The following RTL4 variants were observed in gnomAD, a reference collection of about 807,000 sequenced individuals.
RTL4 encodes retrotransposon Gag-like protein 4.
In RTL4, 4 loss-of-function variants were observed where a neutral mutation model predicts 5.3. The observed-to-expected ratio is 0.75, with a 90% CI of 0.37 to 1.72. The LOEUF is 1.72. Ranked by LOEUF, RTL4 falls within the 40% of genes most tolerant of loss-of-function variation. RTL4 has a pLI of 0.04. For synonymous variants in RTL4, 98 were observed against 87.3 expected (o/e 1.12, Z -0.68); for missense variants, 260 against 227.1 (o/e 1.14, Z -0.93).
At chrX:112,225,472 A>G in the RTL4 span, among the ~76,000 whole-genome samples, 1 of 112,013 alleles carries the variant, frequency 8.9e-6, no homozygotes, top group Non-Finnish European at 1.9e-5. Flanking sequence ...TGGTTAAAAA[A>G]AGAAAACCTG....
the RTL4 span, among the ~76,000 whole-genome samples, chrX:112,130,398 G>A: frequency 2.7e-5 from 3 of 109,806 alleles, no homozygotes; most frequent in East Asian, 5.7e-4. Flanking sequence ...AGCTTGCGAG[G>A]TGGGTAAAAA....
the RTL4 span, among the ~76,000 whole-genome samples, chrX:112,423,296 G>A: frequency 9.0e-6 from 1 of 110,685 alleles, no homozygotes; most frequent in African/African-American, 3.3e-5. Context: ...ATCTCCCCAA[G>A]TACTTAGCTG....
chrX:112,303,319 T>A, the RTL4 span, among the ~76,000 whole-genome samples: 1 of 110,723 alleles, frequency 9.0e-6, no homozygotes, highest in Non-Finnish European at 1.9e-5. Flanking sequence ...AATTATATTA[T>A]CCATAAGTCC....
At chrX:112,322,814 A>G in the RTL4 span, among the ~76,000 whole-genome samples, 3 of 111,633 alleles carry the variant, frequency 2.7e-5, no homozygotes, top group African/African-American at 9.8e-5. Flanking sequence ...TGTATCTTGC[A>G]TTTCTAAATT....
chrX:112,362,903 C>T, the RTL4 span, among the ~76,000 whole-genome samples: 3 of 110,675 alleles, frequency 2.7e-5, no homozygotes, highest in East Asian at 8.7e-4. Context: ...CATATCAGAC[C>T]CTGCCCCTAA....
the RTL4 span, among the ~76,000 whole-genome samples, chrX:112,432,927 T>G: frequency 8.9e-6 from 1 of 111,997 alleles, no homozygotes; most frequent in Non-Finnish European, 1.9e-5. Context: ...AAGGAAGGAA[T>G]CCAGTTTCAG....
At chrX:112,201,857 T>C in the RTL4 span, among the ~76,000 whole-genome samples, 1 of 111,895 alleles carries the variant, frequency 8.9e-6, no homozygotes, top group East Asian at 2.8e-4. Context: ...GTTTCCCCAA[T>C]AATGACATCT....
chrX:112,370,021 C>T, the RTL4 span, among the ~76,000 whole-genome samples: 1 of 111,713 alleles, frequency 9.0e-6, no homozygotes, highest in African/African-American at 3.2e-5. Context: ...TAGTTTTGAA[C>T]TTGGTTTTAA....
the RTL4 span, among the ~76,000 whole-genome samples, chrX:112,439,744 T>C: frequency 1.8e-5 from 2 of 110,901 alleles, no homozygotes; most frequent in African/African-American, 6.6e-5. Context: ...TCCTGTGAGA[T>C]CTAATTGTTA....
the RTL4 span, among the ~76,000 whole-genome samples, chrX:112,324,197 T>C: frequency 8.9e-6 from 1 of 112,550 alleles, no homozygotes; most frequent in Non-Finnish European, 1.9e-5. Flanking sequence ...TGGCCTTTCG[T>C]ATCTGGCTTC....
the RTL4 span, among the ~76,000 whole-genome samples, chrX:112,332,295 C>T: frequency 9.0e-6 from 1 of 110,545 alleles, no homozygotes; most frequent in East Asian, 2.8e-4. Flanking sequence ...GGATCTAGAA[C>T]TAGAAATACC....
chrX:112,274,629 T>A, the RTL4 span, among the ~76,000 whole-genome samples: 2 of 111,290 alleles, frequency 1.8e-5, no homozygotes, highest in Non-Finnish European at 3.8e-5. Context: ...ATAGTTCACA[T>A]CCACAGCTGT....
At chrX:112,257,883 A>T in the RTL4 span, among the ~76,000 whole-genome samples, 1 of 105,837 alleles carries the variant, frequency 9.4e-6, no homozygotes, top group Non-Finnish European at 1.9e-5. Context: ...GTATATATAT[A>T]TATGTGTATA....
At chrX:112,324,070 G>C in the RTL4 span, among the ~76,000 whole-genome samples, 4,421 of 112,105 alleles carry the variant, frequency 0.039, 232 homozygotes, top group African/African-American at 0.14. Flanking sequence ...AAGAAATCTT[G>C]TGTACATTTT....
the RTL4 span, among the ~76,000 whole-genome samples, chrX:112,367,105 C>G: frequency 9.0e-6 from 1 of 111,698 alleles, no homozygotes; most frequent in Non-Finnish European, 1.9e-5. Context: ...GGGAAAAAAA[C>G]CCACCTCTCC....
chrX:112,268,029 A>G, the RTL4 span, among the ~76,000 whole-genome samples: 1 of 111,152 alleles, frequency 9.0e-6, no homozygotes, highest in Non-Finnish European at 1.9e-5. Flanking sequence ...AACATAAGCC[A>G]AGTCATGTCA....
the RTL4 span, among the ~76,000 whole-genome samples, chrX:112,092,701 T>A: frequency 9.1e-6 from 1 of 110,344 alleles, no homozygotes; most frequent in Non-Finnish European, 1.9e-5. Context: ...TGGGGGTGGG[T>A]TTTTCCTGTA....
chrX:112,301,950 C>T, the RTL4 span, among the ~76,000 whole-genome samples: 1 of 102,521 alleles, frequency 9.8e-6, no homozygotes, highest in Non-Finnish European at 2.0e-5. Context: ...GGTGATAGAG[C>T]AAGACCCTGT....
At chrX:112,089,218 G>A in the RTL4 span, among the ~76,000 whole-genome samples, 17 of 110,287 alleles carry the variant, frequency 1.5e-4, no homozygotes, top group African/African-American at 5.3e-4. Context: ...CCATTAACTC[G>A]TAATTTAGCA....
Sources: gnomAD v4.1 joint callset for allele counts (sites outside exome capture counted in the v4.1 genomes callset) on GRCh38, gnomAD v4.1.1 for gene constraint, MANE v1.5 for transcripts, NCBI Gene and HGNC (gene_info 2026-07-23, HGNC 2026-07-21) for gene names.